The following SLC39A11 variants were observed in gnomAD, a reference collection of about 807,000 sequenced individuals.
SLC39A11 encodes the protein solute carrier family 39 member 11, also known as zinc transporter ZIP11.
In SLC39A11, 33 loss-of-function variants were observed where a neutral mutation model predicts 36.1. The observed-to-expected ratio is 0.91, with a 90% CI of 0.69 to 1.22. The LOEUF (loss-of-function observed/expected upper bound fraction) is 1.22, where lower values mean the gene tolerates loss of function less well. Among genes scored for constraint, SLC39A11 ranks in the 50% most tolerant of loss-of-function variants. The probability of loss-of-function intolerance (pLI) is 0.00; values close to 1 mark genes in which losing one functional copy is unlikely to be tolerated. For synonymous variants in SLC39A11, 166 were observed against 170.3 expected (o/e 0.97, Z 0.20); for missense variants, 432 against 430.3 (o/e 1.00, Z -0.03).
intron 5 of SLC39A11, among the ~76,000 whole-genome samples, chr17:72,888,214 T>C (rs183866606): frequency 1.8e-3 from 280 of 152,350 alleles, no homozygotes; most frequent in African/African-American, 5.8e-3. Flanking sequence ...GAGTCTAAAC[T>C]TATTTTGTTC....
intron 5 of SLC39A11, among the ~76,000 whole-genome samples, chr17:72,931,430 A>G (rs2084389324): frequency 6.6e-6 from 1 of 152,154 alleles, no homozygotes; most frequent in Non-Finnish European, 1.5e-5. Context: ...GCATCTGTTC[A>G]CCTGTGGGAC....
intron 6 of SLC39A11, among the ~76,000 whole-genome samples, chr17:72,779,069 T>C (rs2713971): frequency 0.015 from 2,275 of 152,318 alleles, 62 homozygotes; most frequent in African/African-American, 0.051. Flanking sequence ...AAGGAATACG[T>C]TGGATGAGGC....
chr17:72,729,438 TATA>T (rs2074102401), intron 7 of SLC39A11, among the ~76,000 whole-genome samples: 10 of 4,770 alleles, frequency 2.1e-3, no homozygotes, highest in Non-Finnish European at 3.3e-3. Flanking sequence ...TATATATATA[TATA>T]TATATATATA....
At chr17:72,923,155 A>G (rs764183787) in intron 5 of SLC39A11, among the ~76,000 whole-genome samples, 1 of 151,856 alleles carries the variant, frequency 6.6e-6, no homozygotes, top group East Asian at 1.9e-4. Context: ...CAATTACTCA[A>G]TCCTCCCCTT....
intron 6 of SLC39A11, among the ~76,000 whole-genome samples, chr17:72,796,667 C>T (rs2076905306): frequency 6.6e-6 from 1 of 152,134 alleles, no homozygotes; most frequent in African/African-American, 2.4e-5. Flanking sequence ...CACGCTGTGC[C>T]CAGAGCAAAC....
rs543429978 is a variant in SLC39A11 at position 73,088,651 on chromosome 17, A to T, written c.108+6T>A. 1.6e-4 allele frequency: 252 copies of T among 1,608,620 alleles called. 1 individual carries two copies. Among genetic ancestry groups the T allele is most frequent in the Non-Finnish European group, 2.1e-4 (245 of 1,177,088 alleles). On this transcript the variant is annotated splice_donor_region_variant and intron_variant, in intron 2 of 9. Coordinates refer to ENST00000255559, the MANE Select transcript of SLC39A11 (RefSeq NM_139177.4). Reference sequence around the variant, plus strand: ...CAACATCCAGAACCAAAGCAAGGCAACTCACCTGTCCACTAGAGAATACGA... The same window carrying T: ...CAACATCCAGAACCAAAGCAAGGCATCTCACCTGTCCACTAGAGAATACGA...
intron 6 of SLC39A11, among the ~76,000 whole-genome samples, chr17:72,768,215 T>C (rs1047100289): frequency 4.6e-5 from 7 of 152,226 alleles, no homozygotes; most frequent in Non-Finnish European, 8.8e-5. Context: ...GTATACACTT[T>C]AGCAGAATTC....
chr17:72,885,693 T>A (rs1195442992), intron 5 of SLC39A11, among the ~76,000 whole-genome samples: 1 of 152,132 alleles, frequency 6.6e-6, no homozygotes, highest in Non-Finnish European at 1.5e-5. Flanking sequence ...CTGGCACCTC[T>A]GTGCCATTGG....
intron 3 of SLC39A11, among the ~76,000 whole-genome samples, chr17:73,037,355 T>C (rs1031633789): frequency 1.3e-5 from 2 of 152,230 alleles, no homozygotes; most frequent in African/African-American, 4.8e-5. Context: ...CTTTATATGT[T>C]AGGCATTTTT....
intron 4 of SLC39A11, among the ~76,000 whole-genome samples, chr17:72,966,632 C>T (rs1455051163): frequency 5.9e-5 from 9 of 152,218 alleles, no homozygotes; most frequent in South Asian, 2.1e-4. Flanking sequence ...TGCAGTGGCG[C>T]GATCTCTGCT....
intron 4 of SLC39A11, among the ~76,000 whole-genome samples, chr17:72,985,902 A>C (rs1043690308): frequency 2.7e-4 from 41 of 152,124 alleles, no homozygotes; most frequent in Admixed American, 1.2e-3. Context: ...ATTCAATATG[A>C]TTTTTTCCTT....
chr17:72,923,219 GAC>G (rs1212751161), intron 5 of SLC39A11, among the ~76,000 whole-genome samples: 1 of 152,040 alleles, frequency 6.6e-6, no homozygotes, highest in Non-Finnish European at 1.5e-5. Flanking sequence ...TGGGGCTATG[GAC>G]CACCCTGCCC....
chr17:73,043,814 C>T lies in SLC39A11; in HGVS notation c.148-12100G>A, dbSNP rs141870037. 9.4e-3 allele frequency among the ~76,000 whole-genome samples: 1,429 copies of T among 152,230 alleles called. 9 individuals carry two copies. The highest frequency in any genetic ancestry group is 0.014 in the Non-Finnish European group (954 of 68,016). On this transcript the variant is annotated intron_variant, in intron 3 of 9. Transcript: ENST00000255559. ...CAGTCAATCAGAAACCCATGATGAGCGGCCACATGAATTTTGCATTGAGTC... is the reference window on the plus strand; with the variant it reads ...CAGTCAATCAGAAACCCATGATGAGTGGCCACATGAATTTTGCATTGAGTC...
Position 72,705,728 on chromosome 17 carries a change from C to G in SLC39A11, c.671+30922G>C, listed in dbSNP as rs377327240. ...AGTTCCCTGGGGGAACCCTCTTCAC[C>G]TCTCAGTCCATGTGGTTCAGCTGGG... On this transcript the variant is annotated intron_variant, in intron 7 of 9. Coordinates refer to ENST00000255559, the MANE Select transcript of SLC39A11 (RefSeq NM_139177.4). 3.3e-5 allele frequency among the ~76,000 whole-genome samples: 5 copies of G among 152,340 alleles called. No homozygotes were observed. In the East Asian group the frequency reaches 9.6e-4, roughly 29 times the overall value.
At position 73,018,507 on chromosome 17, in the gene SLC39A11, C is replaced by G. The variant is rs143573414; in HGVS notation, c.306+13049G>C. Among the ~76,000 whole-genome samples the G allele has an allele frequency of 2.0e-3, 300 of 151,948 alleles. 3 individuals carry two copies. The highest frequency in any genetic ancestry group is 7.1e-3 in the African/African-American group (293 of 41,406). On this transcript the variant is annotated intron_variant, in intron 4 of 9. Coordinates refer to ENST00000255559, the MANE Select transcript of SLC39A11 (RefSeq NM_139177.4). ...AGGTTGAAGTGAGCCAAGATCACACCATTGCACTCCAGCCTGGGAAACACG... is the reference window on the plus strand; with the variant it reads ...AGGTTGAAGTGAGCCAAGATCACACGATTGCACTCCAGCCTGGGAAACACG...
At chr17:72,922,850 C>T (rs961077740) in intron 5 of SLC39A11, among the ~76,000 whole-genome samples, 3 of 151,428 alleles carry the variant, frequency 2.0e-5, no homozygotes, top group Non-Finnish European at 4.4e-5. Context: ...CACCTGTAGT[C>T]CCCGCTACTC....
At chr17:72,947,983 C>T (rs1259286940) in intron 4 of SLC39A11, 108 bp from the exon 5 acceptor site, 1 of 1,429,610 alleles carries the variant, frequency 7.0e-7, no homozygotes, top group Non-Finnish European at 9.6e-7. Flanking sequence ...ACCAAGACCG[C>T]CACAGCTGAG....
chr17:72,727,857 C>T (rs747979490), intron 7 of SLC39A11, among the ~76,000 whole-genome samples: 3 of 152,088 alleles, frequency 2.0e-5, no homozygotes, highest in Admixed American at 2.0e-4. Context: ...GTAACGGCAT[C>T]TGTACACCAG....
At chr17:72,754,871 G>A (rs145181770) in intron 6 of SLC39A11, among the ~76,000 whole-genome samples, 40 of 152,352 alleles carry the variant, frequency 2.6e-4, no homozygotes, top group African/African-American at 8.4e-4. Context: ...CCGTGTGAGT[G>A]TGCATGCACA....
Sources: gnomAD v4.1 joint callset for allele counts (sites outside exome capture counted in the v4.1 genomes callset) on GRCh38, gnomAD v4.1.1 for gene constraint, MANE v1.5 for transcripts, NCBI Gene and HGNC (gene_info 2026-07-23, HGNC 2026-07-21) for gene names.